The following SLC44A1 variants were observed in gnomAD, a reference collection of about 807,000 sequenced individuals.
SLC44A1 encodes the protein solute carrier family 44 member 1.
In SLC44A1, 26 loss-of-function variants were observed where a neutral mutation model predicts 79.3. That is an observed-to-expected ratio of 0.33 (90% CI 0.24 to 0.46). The LOEUF (loss-of-function observed/expected upper bound fraction) is 0.46, where lower values mean the gene tolerates loss of function less well. SLC44A1 is among the 20% of genes least tolerant of loss of function. The pLI is 1.00. For synonymous variants in SLC44A1, 263 were observed against 286.2 expected, an observed-to-expected ratio of 0.92 and a Z score of 0.82; for missense variants, 688 against 798.1, an observed-to-expected ratio of 0.86 and a Z score of 1.66.
intron 15 of SLC44A1, chr9:105,438,198 A>G (rs1588884704): frequency 3.5e-6 from 4 of 1,144,004 alleles, no homozygotes; most frequent in South Asian, 2.7e-5. Flanking sequence ...ACGATCCCAC[A>G]CTATTTCTAG....
chr9:105,419,389 T>A (rs769755493), intron 15 of SLC44A1, among the ~76,000 whole-genome samples: 57 of 152,162 alleles, frequency 3.7e-4, no homozygotes, highest in Non-Finnish European at 1.2e-4. Context: ...CATTGTAGTT[T>A]TATAAAGAGA....
chr9:105,307,036 C>T (rs1831050640), intron 2 of SLC44A1, among the ~76,000 whole-genome samples: 1 of 152,084 alleles, frequency 6.6e-6, no homozygotes, highest in African/African-American at 2.4e-5. Flanking sequence ...TGTTAGTGTC[C>T]AGTTACTGTT....
intron 1 of SLC44A1, among the ~76,000 whole-genome samples, chr9:105,282,171 T>C (rs984519490): frequency 6.6e-6 from 1 of 152,140 alleles, no homozygotes; most frequent in Non-Finnish European, 1.5e-5. Context: ...TGGAGGTTTA[T>C]AGATACATGT....
At chr9:105,251,115 C>G (rs1232622803) in intron 1 of SLC44A1, among the ~76,000 whole-genome samples, 1 of 152,154 alleles carries the variant, frequency 6.6e-6, no homozygotes, top group Non-Finnish European at 1.5e-5. Flanking sequence ...ATCCTTATAT[C>G]CAACTGATTA....
At chr9:105,420,816 G>A (rs1291134743) in intron 15 of SLC44A1, among the ~76,000 whole-genome samples, 2 of 129,028 alleles carry the variant, frequency 1.6e-5, no homozygotes, top group Non-Finnish European at 1.5e-5. Context: ...AGCTGAGATC[G>A]CACCATTGCA....
intron 8 of SLC44A1, among the ~76,000 whole-genome samples, chr9:105,361,599 G>C (rs1827782252): frequency 6.6e-6 from 1 of 152,102 alleles, no homozygotes; most frequent in African/African-American, 2.4e-5. Flanking sequence ...TTGCTTACAA[G>C]AACATATTTC....
chr9:105,252,754 C>G (rs1209041114), intron 1 of SLC44A1, among the ~76,000 whole-genome samples: 1 of 152,220 alleles, frequency 6.6e-6, no homozygotes, highest in African/African-American at 2.4e-5. Context: ...GTTATCTCTG[C>G]TGTGGGAATT....
chr9:105,319,735 G>A (rs1826326372), intron 3 of SLC44A1, among the ~76,000 whole-genome samples: 1 of 152,166 alleles, frequency 6.6e-6, no homozygotes, highest in Admixed American at 6.5e-5. Context: ...TTAACTCCCA[G>A]AAGTGAAGGG....
rs1367097038 is a variant in SLC44A1 at position 105,335,713 on chromosome 9, C to T, written c.406+14C>T. The T allele has an allele frequency of 6.2e-7, 1 of 1,607,944 alleles. No individual in the cohort carries two copies. The highest frequency in any genetic ancestry group is 8.5e-7 in the Non-Finnish European group (1 of 1,176,854). On this transcript the variant is annotated intron_variant, in intron 4 of 15. Transcript: ENST00000374720. ...CAGAGATAAATGGTGAGACATTAGGCCATCCAAATCTATGTCCTGTCACCT... is the reference window on the plus strand; with the variant it reads ...CAGAGATAAATGGTGAGACATTAGGTCATCCAAATCTATGTCCTGTCACCT...
At chr9:105,340,618 A>G (rs1042088362) in intron 4 of SLC44A1, among the ~76,000 whole-genome samples, 2 of 152,210 alleles carry the variant, frequency 1.3e-5, no homozygotes, top group South Asian at 2.1e-4. Flanking sequence ...TGCTAATTTT[A>G]TACCTTATTT....
intron 4 of SLC44A1, among the ~76,000 whole-genome samples, chr9:105,341,877 T>C (rs1827102512): frequency 6.6e-6 from 1 of 152,248 alleles, no homozygotes; most frequent in Non-Finnish European, 1.5e-5. Flanking sequence ...CATTCATTTA[T>C]CTCCCTTATA....
At chr9:105,380,948 CTTTCA>C (rs1258142120) in intron 13 of SLC44A1, among the ~76,000 whole-genome samples, 1 of 152,208 alleles carries the variant, frequency 6.6e-6, no homozygotes, top group Non-Finnish European at 1.5e-5. Context: ...GCATAACACT[CTTTCA>C]TTATATTTGG....
chr9:105,325,956 T>G (rs1826563361), intron 3 of SLC44A1, among the ~76,000 whole-genome samples: 1 of 152,070 alleles, frequency 6.6e-6, no homozygotes, highest in African/African-American at 2.4e-5. Flanking sequence ...AAATGAAATT[T>G]CTGGCCATTG....
chr9:105,283,461 G>A (rs1478773788), intron 1 of SLC44A1, among the ~76,000 whole-genome samples: 1 of 152,126 alleles, frequency 6.6e-6, no homozygotes, highest in African/African-American at 2.4e-5. Context: ...AAGCTCTGGG[G>A]CTTTGGAGAC....
At position 105,362,835 on chromosome 9, in the gene SLC44A1, G is replaced by A; in HGVS notation, c.915G>A (p.Leu305=). Residue 305 remains leucine, a synonymous_variant, in exon 9 of 16, where the codon CTG becomes CTA. Transcript: ENST00000374720. ...TCTCCATACAGGTGATCTTATTCCT[G>A]ATAATGTTGGTTATGCGCAAACGTG... The part of the protein sequence containing the change: ...SATVFTVILF[L]IMLVMRKRVA... 1 of 1,603,866 alleles carries A rather than the reference G, an allele frequency of 6.2e-7. No individual in the cohort carries two copies. Among genetic ancestry groups the A allele is most frequent in the Non-Finnish European group, 8.5e-7 (1 of 1,176,004 alleles).
intron 13 of SLC44A1, among the ~76,000 whole-genome samples, chr9:105,376,584 G>A (rs1828298831): frequency 6.6e-6 from 1 of 152,054 alleles, no homozygotes; most frequent in Non-Finnish European, 1.5e-5. Flanking sequence ...ATGTTGGTCA[G>A]GCTGGTCTCA....
At chr9:105,251,547 C>A (rs1291324012) in intron 1 of SLC44A1, among the ~76,000 whole-genome samples, 1 of 152,328 alleles carries the variant, frequency 6.6e-6, no homozygotes, top group East Asian at 1.9e-4. Flanking sequence ...GCTCTTAGGA[C>A]AAAGACCAGA....
intron 15 of SLC44A1, among the ~76,000 whole-genome samples, chr9:105,436,419 A>C (rs1420966194): frequency 6.6e-6 from 1 of 152,068 alleles, no homozygotes; most frequent in Non-Finnish European, 1.5e-5. Context: ...AAAGTATGTA[A>C]AATCATAAAA....
chr9:105,399,773 A>G (rs1437919276), downstream of SLC44A1, among the ~76,000 whole-genome samples: 2 of 152,194 alleles, frequency 1.3e-5, no homozygotes, highest in African/African-American at 4.8e-5. Context: ...CAAGCAATGC[A>G]TGATCTCATT....
Sources: allele counts gnomAD v4.1 joint callset (sites outside exome capture counted in the v4.1 genomes callset), GRCh38; gene constraint gnomAD v4.1.1; transcripts MANE v1.5; gene names NCBI Gene and HGNC (gene_info 2026-07-23, HGNC 2026-07-21).